Variants in MAGI2 observed in about 807,000 individuals in gnomAD.
MAGI2 encodes membrane associated guanylate kinase, WW and PDZ domain containing 2.
A neutral mutation model predicts 133.3 loss-of-function variants in MAGI2; 35 were observed. That is an observed-to-expected ratio of 0.26 (90% CI 0.20 to 0.35). The LOEUF (loss-of-function observed/expected upper bound fraction) is 0.35, where lower values mean the gene tolerates loss of function less well. MAGI2 is among the 10% of genes least tolerant of loss of function. The pLI, the probability that MAGI2 is intolerant of heterozygous loss-of-function variation, is 1.00. For missense variants in MAGI2, 1,636 were observed against 1,863.4 expected, an observed-to-expected ratio of 0.88 and a Z score of 2.25; for synonymous variants, 729 against 710.6, an observed-to-expected ratio of 1.03 and a Z score of -0.41.
At chr7:78,865,147 G>A (rs1220365647) in intron 2 of MAGI2, among the ~76,000 whole-genome samples, 1 of 152,112 alleles carries the variant, frequency 6.6e-6, no homozygotes, top group Non-Finnish European at 1.5e-5. Flanking sequence ...GAAACTTGAG[G>A]TCTGAAGAGC....
chr7:78,542,490 G>GT (rs778837355), intron 3 of MAGI2, among the ~76,000 whole-genome samples: 6 of 152,146 alleles, frequency 3.9e-5, no homozygotes, highest in Admixed American at 6.5e-5. Context: ...TCAGAATACC[G>GT]TAAGAGAGGG....
intron 10 of MAGI2, among the ~76,000 whole-genome samples, chr7:78,202,614 C>T (rs910772881): frequency 3.8e-5 from 5 of 130,322 alleles, no homozygotes; most frequent in East Asian, 4.8e-4. Context: ...ACTCGGGAGG[C>T]GGAGAGTGCA....
chr7:78,693,740 A>G (rs1817209687), intron 2 of MAGI2, among the ~76,000 whole-genome samples: 1 of 152,120 alleles, frequency 6.6e-6, no homozygotes, highest in African/African-American at 2.4e-5. Flanking sequence ...GATCTCACCC[A>G]TCCTTAAGGT....
intron 2 of MAGI2, among the ~76,000 whole-genome samples, chr7:78,726,575 G>A (rs185260967): frequency 7.4e-4 from 112 of 152,238 alleles, no homozygotes; most frequent in Non-Finnish European, 1.4e-3. Context: ...AGGGCAAGGT[G>A]GGGACAAAAT....
intron 10 of MAGI2, among the ~76,000 whole-genome samples, chr7:78,212,122 C>T (rs371475042): frequency 5.9e-5 from 9 of 152,152 alleles, no homozygotes; most frequent in African/African-American, 9.7e-5. Context: ...TGCTACAGTT[C>T]GTTTTATACC....
At chr7:78,414,096 G>C (rs1302449078) in intron 6 of MAGI2, among the ~76,000 whole-genome samples, 1 of 151,928 alleles carries the variant, frequency 6.6e-6, no homozygotes, top group Non-Finnish European at 1.5e-5. Flanking sequence ...TGTTCCCTCA[G>C]TGTTTTACTT....
intron 3 of MAGI2, chr7:78,615,277 T>G (rs1370914449): frequency 6.6e-6 from 1 of 152,214 alleles, no homozygotes; most frequent in African/African-American, 2.4e-5. Flanking sequence ...TATACACTCT[T>G]TGAAAATTAG....
intron 3 of MAGI2, among the ~76,000 whole-genome samples, chr7:78,598,642 C>G (rs1436010253): frequency 6.6e-6 from 1 of 152,084 alleles, no homozygotes. Context: ...GAGAATGAAT[C>G]AAGGAAACCC....
intron 2 of MAGI2, among the ~76,000 whole-genome samples, chr7:78,984,306 T>A (rs1216755935): frequency 6.6e-6 from 1 of 151,960 alleles, no homozygotes; most frequent in African/African-American, 2.4e-5. Context: ...GCCAGAGTTA[T>A]CCCATTAAAA....
intron 2 of MAGI2, among the ~76,000 whole-genome samples, chr7:78,721,700 G>T (rs1427605983): frequency 1.3e-5 from 2 of 151,952 alleles, no homozygotes; most frequent in Non-Finnish European, 2.9e-5. Context: ...TTTTTACTAA[G>T]AAACTGATTA....
At chr7:78,572,586 AC>A (rs988317748) in intron 3 of MAGI2, among the ~76,000 whole-genome samples, 1 of 151,772 alleles carries the variant, frequency 6.6e-6, no homozygotes, top group African/African-American at 2.4e-5. Context: ...TCCCTTACCT[AC>A]CCCCCAGATT....
At chr7:78,931,169 A>G (rs1311822943) in intron 2 of MAGI2, among the ~76,000 whole-genome samples, 1 of 152,146 alleles carries the variant, frequency 6.6e-6, no homozygotes, top group African/African-American at 2.4e-5. Flanking sequence ...TAGGATGGCT[A>G]TGAGTGAAGA....
In MAGI2 at chr7:78,151,898, T is replaced by C. The variant is rs3823786; in HGVS notation, c.2845+8127A>G. ...GTCTTCCTTTTGATGAGGATTGCGC[T>C]GGATCACTGTATGAGAAGCATACAG... On this transcript the variant is annotated intron_variant, in intron 16 of 21. Coordinates refer to ENST00000354212, the MANE Select transcript of MAGI2 (RefSeq NM_012301.4). Among the ~76,000 whole-genome samples, 1,269 of 152,174 alleles carry C rather than the reference T, an allele frequency of 8.3e-3. 46 individuals are homozygous for C. The highest frequency in any genetic ancestry group is 0.069 in the East Asian group (355 of 5,172).
At chr7:79,391,414 G>A (rs1844596528) in intron 1 of MAGI2, among the ~76,000 whole-genome samples, 1 of 148,710 alleles carries the variant, frequency 6.7e-6, no homozygotes, top group Admixed American at 6.7e-5. Context: ...GGACAACTTA[G>A]GATTGTTGTA....
chr7:78,243,328 A>G (rs1018477973), intron 10 of MAGI2, among the ~76,000 whole-genome samples: 1 of 151,888 alleles, frequency 6.6e-6, no homozygotes, highest in Non-Finnish European at 1.5e-5. Flanking sequence ...CAATGTGGGT[A>G]AACCGTATAT....
At chr7:78,292,138 A>C (rs1417335156) in intron 9 of MAGI2, among the ~76,000 whole-genome samples, 4 of 152,200 alleles carry the variant, frequency 2.6e-5, no homozygotes, top group Non-Finnish European at 4.4e-5. Context: ...AGAGGAAGTC[A>C]AATTGTCCCT....
At chr7:78,336,313 G>C (rs979079270) in intron 9 of MAGI2, among the ~76,000 whole-genome samples, 1 of 152,144 alleles carries the variant, frequency 6.6e-6, no homozygotes, top group Non-Finnish European at 1.5e-5. Context: ...TCTCCAAATG[G>C]TTCTGACAAA....
intron 1 of MAGI2, among the ~76,000 whole-genome samples, chr7:79,273,221 C>A (rs1031697177): frequency 6.8e-5 from 9 of 132,034 alleles, no homozygotes; most frequent in Non-Finnish European, 1.5e-4. Context: ...TTAAATCACC[C>A]TTAAGATGGT....
At chr7:79,136,081 G>GAA (rs1466533864) in intron 1 of MAGI2, among the ~76,000 whole-genome samples, 1 of 125,950 alleles carries the variant, frequency 7.9e-6, no homozygotes, top group Admixed American at 8.4e-5. Context: ...AAGAAAGAAA[G>GAA]AAAGAAAGAA....
Sources: gnomAD v4.1 joint callset for allele counts (sites outside exome capture counted in the v4.1 genomes callset) on GRCh38, gnomAD v4.1.1 for gene constraint, MANE v1.5 for transcripts, NCBI Gene and HGNC (gene_info 2026-07-23, HGNC 2026-07-21) for gene names.